Variants in SLC41A3 observed in about 807,000 individuals in gnomAD.
SLC41A3 encodes SLC41A1-like 2.
Under a neutral mutation model 45.4 loss-of-function variants are expected in SLC41A3, and 44 were observed. The ratio of observed to expected loss-of-function variants is 0.97; its 90% confidence interval spans 0.76 to 1.25. The LOEUF is 1.25. Among genes scored for constraint, SLC41A3 ranks in the 50% most tolerant of loss-of-function variants. The probability of loss-of-function intolerance (pLI) is 0.00; values close to 1 mark genes in which losing one functional copy is unlikely to be tolerated. For missense variants in SLC41A3, 550 were observed against 600.6 expected (o/e 0.92, Z 0.88); for synonymous variants, 256 against 252.4 (o/e 1.01, Z -0.13).
At chr3:126,032,016 G>A (rs886208227) in intron 4 of SLC41A3, among the ~76,000 whole-genome samples, 1 of 152,212 alleles carries the variant, frequency 6.6e-6, no homozygotes, top group African/African-American at 2.4e-5. Context: ...AGATACACCT[G>A]GTGTTAGGTA....
chr3:126,062,976 G>A (rs980746937), intron 2 of SLC41A3, among the ~76,000 whole-genome samples: 4 of 152,168 alleles, frequency 2.6e-5, no homozygotes, highest in Non-Finnish European at 4.4e-5. Context: ...TCTACAGGCT[G>A]ATGGCCGTAA....
chr3:126,085,480 A>G (rs1945359757), upstream of SLC41A3: 2 of 152,244 alleles, frequency 1.3e-5, no homozygotes, highest in African/African-American at 2.4e-5. Flanking sequence ...AGCCTCCCAG[A>G]CTTCTAGCTT....
At chr3:126,048,000 A>G (rs1485145106) in intron 3 of SLC41A3, among the ~76,000 whole-genome samples, 1 of 152,234 alleles carries the variant, frequency 6.6e-6, no homozygotes, top group East Asian at 1.9e-4. Context: ...ATTAATATTC[A>G]GAATATATAA....
chr3:126,059,439 A>C (rs1943939430), intron 2 of SLC41A3, among the ~76,000 whole-genome samples: 1 of 152,042 alleles, frequency 6.6e-6, no homozygotes, highest in Non-Finnish European at 1.5e-5. Context: ...AGTCACTGCA[A>C]TTGGATGAAG....
chr3:126,030,271 T>C (rs995162578), intron 4 of SLC41A3, among the ~76,000 whole-genome samples: 1 of 137,582 alleles, frequency 7.3e-6, no homozygotes, highest in Admixed American at 7.5e-5. Flanking sequence ...ATATATATGA[T>C]ATATAATATA....
chr3:126,024,582 G>A (rs1941183958), intron 5 of SLC41A3: 2 of 152,336 alleles, frequency 1.3e-5, no homozygotes, highest in African/African-American at 4.8e-5. Flanking sequence ...GCACAGGAAT[G>A]GGCCTGATTA....
chr3:126,015,415 A>C, intron 8 of SLC41A3, 79 bp downstream of exon 8: 1 of 1,435,166 alleles, frequency 7.0e-7, no homozygotes, highest in Admixed American at 1.7e-5. Flanking sequence ...TGCCCCTCTG[A>C]GGTCTGCTGT....
chr3:126,095,844 A>G (rs1945589204), intron 1 of SLC41A3, among the ~76,000 whole-genome samples: 1 of 152,196 alleles, frequency 6.6e-6, no homozygotes, highest in Non-Finnish European at 1.5e-5. Context: ...TGGCCACACT[A>G]TGTTCAGATG....
intron 2 of SLC41A3, chr3:126,067,675 C>T: frequency 1.9e-6 from 1 of 535,558 alleles, no homozygotes; most frequent in Middle Eastern, 2.8e-4. Context: ...AGTTGTTAAA[C>T]TTCAAAGTAC....
At chr3:126,078,804 C>T (rs1251290517) in intron 1 of SLC41A3, among the ~76,000 whole-genome samples, 1 of 152,150 alleles carries the variant, frequency 6.6e-6, no homozygotes, top group Non-Finnish European at 1.5e-5. Flanking sequence ...TCTCCTGCCT[C>T]CTCAGTTTCT....
rs1939157363 is a variant in SLC41A3 at position 126,006,867 on chromosome 3, G to C, written c.*149C>G. The C allele has an allele frequency of 6.7e-7, 1 of 1,502,748 alleles. No homozygotes were observed. Among genetic ancestry groups the C allele is most frequent in the African/African-American group, 1.4e-5 (1 of 71,632 alleles). 93.1% of individuals were successfully genotyped at this position (1,502,748 alleles called of 1,614,324 possible). A position where few individuals can be genotyped will look rare whatever the true frequency, so the allele number is the denominator to read the frequency against. On this transcript the variant is annotated 3_prime_UTR_variant, in exon 11 of 11. Transcript: ENST00000360370. ...CAGGTATCAACCCCAGAGCCGAGGT[G>C]TGTGAGAGCTACCTTAGCAGACTCA...
intron 6 of SLC41A3, among the ~76,000 whole-genome samples, chr3:126,022,289 C>T (rs1193016147): frequency 6.6e-6 from 1 of 152,254 alleles, no homozygotes; most frequent in Admixed American, 6.5e-5. Flanking sequence ...AGGTTGACAT[C>T]AGTAACACCC....
chr3:126,099,478 A>G (rs982712859), intron 1 of SLC41A3, among the ~76,000 whole-genome samples: 2 of 152,140 alleles, frequency 1.3e-5, no homozygotes, highest in Non-Finnish European at 2.9e-5. Context: ...TTGGGTGGCC[A>G]AGGCGGGTGG....
chr3:126,033,830 C>T (rs1941986685), intron 3 of SLC41A3, 152 bp from the exon 4 acceptor site: 16 of 750,858 alleles, frequency 2.1e-5, no homozygotes, highest in South Asian at 1.8e-4. Context: ...CTCCAAACAG[C>T]GACCTGGCCT....
chr3:126,028,666 C>T (rs1020121069), intron 4 of SLC41A3, among the ~76,000 whole-genome samples: 1 of 152,244 alleles, frequency 6.6e-6, no homozygotes, highest in Non-Finnish European at 1.5e-5. Flanking sequence ...ATCCTCCAGA[C>T]CCCAGAATGG....
chr3:126,050,226 C>T (rs1032895566), intron 3 of SLC41A3, among the ~76,000 whole-genome samples: 3 of 152,172 alleles, frequency 2.0e-5, no homozygotes, highest in Admixed American at 6.5e-5. Flanking sequence ...AGCCCCCTGC[C>T]CCCACCCCAC....
chr3:126,084,058 C>A (rs926732952), intron 1 of SLC41A3, 35 bp downstream of exon 1: 1 of 151,850 alleles, frequency 6.6e-6, no homozygotes, highest in Non-Finnish European at 1.5e-5. Flanking sequence ...CCCCACCTTC[C>A]GCCCCAACCC....
chr3:126,043,908 A>G (rs1263500279), intron 3 of SLC41A3, among the ~76,000 whole-genome samples: 1 of 152,262 alleles, frequency 6.6e-6, no homozygotes, highest in Non-Finnish European at 1.5e-5. Context: ...AAAACAAATA[A>G]AATTGCAACG....
At chr3:126,055,761 T>A (rs1320151336) in intron 2 of SLC41A3, among the ~76,000 whole-genome samples, 1 of 152,126 alleles carries the variant, frequency 6.6e-6, no homozygotes, top group Non-Finnish European at 1.5e-5. Flanking sequence ...AAACAGACTG[T>A]GATAAGCAAA....
Sources: gnomAD v4.1 joint callset for allele counts (sites outside exome capture counted in the v4.1 genomes callset) on GRCh38, gnomAD v4.1.1 for gene constraint, MANE v1.5 for transcripts, NCBI Gene and HGNC (gene_info 2026-07-23, HGNC 2026-07-21) for gene names.